Variants in C8B observed in about 807,000 individuals in gnomAD.
The protein encoded by C8B is complement C8 beta chain.
Under a neutral mutation model 64.6 loss-of-function variants are expected in C8B, and 67 were observed. That is an observed-to-expected ratio of 1.04 (90% CI 0.85 to 1.27). The LOEUF is 1.27. C8B is among the 50% of genes most tolerant of loss of function. The pLI, the probability that C8B is intolerant of heterozygous loss-of-function variation, is 0.00. For missense variants in C8B, 790 were observed against 725.2 expected (o/e 1.09, Z -1.03); for synonymous variants, 284 against 257.7 (o/e 1.10, Z -0.98).
At chr1:56,935,119 T>TA (rs1384485244) in intron 9 of C8B, among the ~76,000 whole-genome samples, 1 of 152,222 alleles carries the variant, frequency 6.6e-6, no homozygotes, top group African/African-American at 2.4e-5. Flanking sequence ...TATATGGTAT[T>TA]ACCAGAATTC....
chr1:56,949,841 T>C, intron 5 of C8B, 89 bp from the exon 6 acceptor site: 1 of 879,648 alleles, frequency 1.1e-6, no homozygotes, highest in South Asian at 1.4e-5. Context: ...ACTCCTACCA[T>C]GTGCTGGATA....
Position 56,940,945 on chromosome 1 carries a change from G to A in C8B, c.1302C>T (p.His434=), listed in dbSNP as rs1250641506. 2 of 1,614,110 alleles carry A rather than the reference G, an allele frequency of 1.2e-6. No individual in the cohort carries two copies. Among genetic ancestry groups the A allele is most frequent in the Non-Finnish European group, 1.7e-6 (2 of 1,180,012 alleles). ...GCTCCTGGTATGCCAGGGTGGTGAT[G>A]TGCTCACTTGCCCCTCCTCGTACCA... ...VVLVRGGASE[H]ITTLAYQELP... The change falls in exon 9 of 12, where the codon CAC becomes CAT. Residue 434 remains histidine, a synonymous_variant. Transcript: ENST00000371237.
intron 6 of C8B, among the ~76,000 whole-genome samples, chr1:56,948,865 C>T (rs182068185): frequency 2.0e-5 from 3 of 152,126 alleles, no homozygotes; most frequent in Admixed American, 2.0e-4. Context: ...TTCCTGTGGG[C>T]TAAAAAGTCT....
intron 6 of C8B, among the ~76,000 whole-genome samples, chr1:56,946,849 T>C (rs2101412082): frequency 6.6e-6 from 1 of 152,304 alleles, no homozygotes; most frequent in East Asian, 1.9e-4. Context: ...CTGTGAGATA[T>C]GTTCGGCCTA....
chr1:56,954,551 T>C, intron 4 of C8B, 135 bp downstream of exon 4: 1 of 1,213,312 alleles, frequency 8.2e-7, no homozygotes, highest in Non-Finnish European at 1.2e-6. Flanking sequence ...ACCGGAAGTG[T>C]TACTTACAAT....
intron 5 of C8B, 38 bp from the exon 6 acceptor site, chr1:56,949,790 G>T: frequency 1.4e-6 from 2 of 1,455,584 alleles, no homozygotes; most frequent in South Asian, 1.2e-5. Flanking sequence ...TATTTCATTT[G>T]ACTCAAATCA....
intron 1 of C8B, among the ~76,000 whole-genome samples, chr1:56,961,617 C>T (rs1277196212): frequency 2.0e-5 from 3 of 152,212 alleles, no homozygotes; most frequent in Non-Finnish European, 2.9e-5. Context: ...TGTAAGGCCT[C>T]TTTCTTTCCA....
At chr1:56,952,552 G>T (rs555112904) in intron 4 of C8B, among the ~76,000 whole-genome samples, 1 of 152,166 alleles carries the variant, frequency 6.6e-6, no homozygotes, top group African/African-American at 2.4e-5. Context: ...CTTGAAGCCC[G>T]CAGCCCAGCT....
chr1:56,960,209 A>T (rs747837178), intron 1 of C8B, 33 bp from the exon 2 acceptor site: 2 of 1,601,132 alleles, frequency 1.2e-6, no homozygotes, highest in Non-Finnish European at 1.7e-6. Context: ...AGAGTCACGT[A>T]TCAGAAGGGA....
At chr1:56,947,711 C>A (rs1201250251) in intron 6 of C8B, among the ~76,000 whole-genome samples, 4 of 152,238 alleles carry the variant, frequency 2.6e-5, no homozygotes, top group South Asian at 2.1e-4. Flanking sequence ...GCAGGCAGAT[C>A]ATGAGGTCAG....
At chr1:56,932,246 C>T (rs569784694) in intron 10 of C8B, among the ~76,000 whole-genome samples, 2 of 152,134 alleles carry the variant, frequency 1.3e-5, no homozygotes, top group Non-Finnish European at 2.9e-5. Context: ...TTGAATACCT[C>T]GAGGATGGGG....
At position 56,943,765 on chromosome 1, in the gene C8B, T is replaced by C. The variant is rs777792514; in HGVS notation, c.1165A>G (p.Ile389Val). 3.1e-6 allele frequency: 5 copies of C among 1,614,118 alleles called. No homozygotes were observed. Among genetic ancestry groups the C allele is most frequent in the Admixed American group, 1.7e-5 (1 of 60,028 alleles). The stretch of plus-strand genomic sequence containing the variant: ...CCCAGACTGACGTAGACCTCTTCAA[T>C]GGCACCACCAATTTTAAAATCATTT... Reference protein sequence around the residue: ...AKNDFKIGGAIEEVYVSLGVS... With the variant: ...AKNDFKIGGAVEEVYVSLGVS... The change falls in exon 8 of 12, where the codon ATT becomes GTT. Residue 389 changes from isoleucine to valine, a missense_variant. By Grantham distance (29) the Ile-to-Val change is conservative. Transcript: ENST00000371237.
At chr1:56,961,496 T>C (rs912416926) in intron 1 of C8B, among the ~76,000 whole-genome samples, 1 of 152,216 alleles carries the variant, frequency 6.6e-6, no homozygotes, top group African/African-American at 2.4e-5. Context: ...TGTTACGATC[T>C]GAGCCGAGGT....
In C8B at chr1:56,943,683, C is replaced by T. The variant is rs776860903; in HGVS notation, c.1234+13G>A. ...CATTATAAGTGTGGAAGTCACAAGC[C>T]CCTGTCACTCACCTTTTATTTCATT... On this transcript the variant is annotated intron_variant, in intron 8 of 11. Transcript: ENST00000371237. The T allele has an allele frequency of 3.7e-6, 6 of 1,613,778 alleles. No individual in the cohort carries two copies. In the South Asian group the frequency reaches 5.5e-5, roughly 15 times the overall value.
At position 56,954,786 on chromosome 1, in the gene C8B, C is replaced by T; in HGVS notation, c.433G>A (p.Asp145Asn). 8 of 1,614,208 alleles carry T rather than the reference C, an allele frequency of 5.0e-6. No individual in the cohort carries two copies. The highest frequency in any genetic ancestry group is 5.9e-6 in the Non-Finnish European group (7 of 1,180,016). The change falls in exon 4 of 12, where the codon GAC becomes AAC. Residue 145 changes from aspartate (D) to asparagine (N), a missense_variant. Asp to Asn is a conservative substitution (Grantham distance 23). Transcript: ENST00000371237. ...GCTTCATCTGACTGGTCTCCACAGT[C>T]ATTGTCCCCATTGCAAAGAAGTCTG... ...NRRLLCNGDNDCGDQSDEANC... is the reference protein window; with the variant it reads ...NRRLLCNGDNNCGDQSDEANC...
At position 56,936,957 on chromosome 1, in the gene C8B, T is replaced by C. The variant is rs749817143; in HGVS notation, c.1399-3469A>G. ...GAGCTTTGTCAATCCAAATCCAACA[T>C]TGTCTTTCCAGGCATATGCTGCCAC... On this transcript the variant is annotated intron_variant, in intron 9 of 11. Transcript: ENST00000371237. 2.9e-4 allele frequency among the ~76,000 whole-genome samples: 44 copies of C among 152,142 alleles called. 1 individual carries two copies. Among genetic ancestry groups the C allele is most frequent in the Admixed American group, 6.5e-4 (10 of 15,280 alleles).
At chr1:56,960,689 C>T (rs1000315675) in intron 1 of C8B, among the ~76,000 whole-genome samples, 3 of 152,214 alleles carry the variant, frequency 2.0e-5, no homozygotes, top group African/African-American at 7.2e-5. Flanking sequence ...TGGGGAGAAC[C>T]AGCATATGAG....
chr1:56,962,806 A>G (rs1645196873), intron 1 of C8B, among the ~76,000 whole-genome samples: 2 of 152,164 alleles, frequency 1.3e-5, no homozygotes, highest in Non-Finnish European at 2.9e-5. Context: ...TCTCTTTTAG[A>G]TAATTTGATG....
chr1:56,931,324 A>T (rs1203920977), intron 11 of C8B, among the ~76,000 whole-genome samples: 2 of 152,176 alleles, frequency 1.3e-5, no homozygotes, highest in Non-Finnish European at 2.9e-5. Context: ...CATGGTCCCT[A>T]CTCACAGATG....
Sources: allele counts gnomAD v4.1 joint callset (sites outside exome capture counted in the v4.1 genomes callset), GRCh38; gene constraint gnomAD v4.1.1; transcripts MANE v1.5; gene names NCBI Gene and HGNC (gene_info 2026-07-23, HGNC 2026-07-21).